The following GNB1L variants were observed in gnomAD, a reference collection of about 807,000 sequenced individuals.
GNB1L encodes the protein G protein subunit beta 1 like.
A neutral mutation model predicts 29.1 loss-of-function variants in GNB1L; 20 were observed. That is an observed-to-expected ratio of 0.69 (90% CI 0.48 to 1.00). The LOEUF is 1.00. Among genes scored for constraint, GNB1L ranks in the 50% least tolerant of loss-of-function variants. The probability of loss-of-function intolerance (pLI) is 0.00; values close to 1 mark genes in which losing one functional copy is unlikely to be tolerated. For synonymous variants in GNB1L, 193 were observed against 206.5 expected, an observed-to-expected ratio of 0.93 and a Z score of 0.56; for missense variants, 421 against 464.9, an observed-to-expected ratio of 0.91 and a Z score of 0.87.
At position 19,788,847 on chromosome 22, in the gene GNB1L, CCA is replaced by C; in HGVS notation, c.844_845del (p.Trp282AlafsTer154). 6.2e-7 allele frequency: 1 copy of C among 1,612,844 alleles called. No individual in the cohort carries two copies. Among genetic ancestry groups the C allele is most frequent in the Non-Finnish European group, 8.5e-7 (1 of 1,179,950 alleles). ...GWDHRIRVFH[W>X]RTMQPLAVLA... ...GCACGGCCAGTGGCTGCATCGTCCG[CCA>C]GTGGAACACGCGGATGCGGTGGTCC... On this transcript the variant is annotated frameshift_variant, in exon 8 of 8. Transcript: ENST00000329517. LOFTEE classifies it high-confidence loss of function.
chr22:19,792,977 C>T (rs1391601077), intron 7 of GNB1L: 5 of 1,491,914 alleles, frequency 3.4e-6, no homozygotes, highest in South Asian at 2.3e-5. Context: ...ATTACAATGA[C>T]AGATACGATG....
intron 6 of GNB1L, among the ~76,000 whole-genome samples, chr22:19,804,282 A>T (rs183728535): frequency 6.6e-6 from 1 of 152,154 alleles, no homozygotes; most frequent in South Asian, 2.1e-4. Context: ...CGCAGATGAG[A>T]CCTGGAGGCC....
chr22:19,809,211 G>A (rs73877351), intron 5 of GNB1L, among the ~76,000 whole-genome samples: 19,016 of 151,450 alleles, frequency 0.13, 1,381 homozygotes, highest in Non-Finnish European at 0.17. Flanking sequence ...TTGAGAGGAC[G>A]TTGAGGGGAG....
At position 19,786,573 on chromosome 22, in the gene GNB1L, G is replaced by A. The variant is rs1937193386; in HGVS notation, c.*2136C>T. 6.6e-6 allele frequency: 1 copy of A among 152,298 alleles called. No individual in the cohort carries two copies. Among genetic ancestry groups the A allele is most frequent in the Non-Finnish European group, 1.5e-5 (1 of 68,098 alleles). 9.4% of individuals were successfully genotyped at this position (152,298 alleles called of 1,614,324 possible). The stretch of plus-strand genomic sequence containing the variant: ...CAGTGATGATGCCAAAGATGACAGG[G>A]ACATAAACAGGGGAAGGGGTAGAGG... On this transcript the variant is annotated 3_prime_UTR_variant, in exon 8 of 8. Transcript: ENST00000329517.
intron 2 of GNB1L, among the ~76,000 whole-genome samples, chr22:19,832,918 G>C (rs1937703753): frequency 6.6e-6 from 1 of 152,212 alleles, no homozygotes; most frequent in Non-Finnish European, 1.5e-5. Context: ...GCTGAGCCCT[G>C]GGTGGCTGAT....
At chr22:19,849,385 T>TTG (rs1555903696) in intron 2 of GNB1L, 12,858 of 760,564 alleles carry the variant, frequency 0.017, 5 homozygotes, top group Non-Finnish European at 0.019. Flanking sequence ...TTTTTTTTTT[T>TTG]GGGATGGAGT....
rs771568536 is a variant in GNB1L, at chr22:19,820,606, C to G, written c.246G>C (p.Gln82His). The G allele has an allele frequency of 1.2e-6, 2 of 1,612,258 alleles. No homozygotes were observed. Among genetic ancestry groups the G allele is most frequent in the Non-Finnish European group, 1.7e-6 (2 of 1,179,562 alleles). Residue 82 changes from glutamine (Q) to histidine (H), a missense_variant, in exon 4 of 8, where the codon CAG (glutamine) becomes CAC (histidine). Coordinates refer to ENST00000329517, the MANE Select transcript of GNB1L (RefSeq NM_053004.3). ...GCACCTTGGAGACCCACCTGAGGAG[C>G]TGGCGCCCCTGGGGCAGCGTCTGCA... ...TWLQTLPQGR[Q>H]LLSQGRDLKL...
At chr22:19,848,246 C>G in intron 2 of GNB1L, 1 of 985,430 alleles carries the variant, frequency 1.0e-6, no homozygotes, top group Non-Finnish European at 1.2e-6. Flanking sequence ...AAGTGAAGGA[C>G]TGACACCATG....
At chr22:19,805,408 A>T (rs1282548102) in intron 6 of GNB1L, among the ~76,000 whole-genome samples, 1 of 152,208 alleles carries the variant, frequency 6.6e-6, no homozygotes, top group Non-Finnish European at 1.5e-5. Context: ...CGCTCTCATG[A>T]GGAGGTCAAA....
chr22:19,846,966 TCAG>T, intron 2 of GNB1L: 1 of 985,500 alleles, frequency 1.0e-6, no homozygotes, highest in Non-Finnish European at 1.2e-6. Flanking sequence ...CCTCCCATCC[TCAG>T]CAGCACCAAC....
chr22:19,819,503 C>T (rs1937561114), intron 4 of GNB1L, among the ~76,000 whole-genome samples: 1 of 152,178 alleles, frequency 6.6e-6, no homozygotes, highest in African/African-American at 2.4e-5. Flanking sequence ...ACAGCCATCG[C>T]CATACGTTCA....
At chr22:19,796,950 G>A (rs962559736) in intron 7 of GNB1L, among the ~76,000 whole-genome samples, 1 of 152,202 alleles carries the variant, frequency 6.6e-6, no homozygotes, top group Non-Finnish European at 1.5e-5. Flanking sequence ...AGCTTTGAAT[G>A]CGGCAGAAAT....
chr22:19,815,516 G>A (rs1291900811), intron 4 of GNB1L, among the ~76,000 whole-genome samples: 5 of 152,212 alleles, frequency 3.3e-5, no homozygotes, highest in Admixed American at 1.3e-4. Flanking sequence ...TGCACACCAC[G>A]CTCATATGGA....
chr22:19,834,553 T>C (rs1468922205), intron 2 of GNB1L, among the ~76,000 whole-genome samples: 1 of 152,178 alleles, frequency 6.6e-6, no homozygotes, highest in Non-Finnish European at 1.5e-5. Context: ...AGTTATAACA[T>C]AATGGAGGAG....
chr22:19,824,856 A>G (rs984783024), intron 2 of GNB1L, among the ~76,000 whole-genome samples: 10 of 152,022 alleles, frequency 6.6e-5, no homozygotes, highest in African/African-American at 2.2e-4. Flanking sequence ...GAGCCCAAAC[A>G]CCACAGGTCC....
Position 19,784,308 on chromosome 22 carries a change from CCAG to C in GNB1L, c.*4398_*4400del, listed in dbSNP as rs1391278159. 1.3e-5 allele frequency: 2 copies of C among 152,204 alleles called. No individual in the cohort carries two copies. Among genetic ancestry groups the C allele is most frequent in the Non-Finnish European group, 2.9e-5 (2 of 68,072 alleles). The allele number at this position is 152,204 out of a possible 1,614,324, so 9.4% of individuals were successfully genotyped here. On this transcript the variant is annotated 3_prime_UTR_variant, in exon 8 of 8. Coordinates refer to ENST00000329517, the MANE Select transcript of GNB1L (RefSeq NM_053004.3). ...CGCACAGCACGTCAACATGGAGCGC[CCAG>C]CAGCGGCGGCGGGTCCTGGGCTGTG...
intron 2 of GNB1L, chr22:19,852,100 G>A (rs940913326): frequency 1.2e-6 from 2 of 1,614,102 alleles, no homozygotes; most frequent in Non-Finnish European, 1.7e-6. Context: ...CACACACGGT[G>A]TCCCCACAGC....
chr22:19,800,335 T>C (rs1937355200), intron 7 of GNB1L, among the ~76,000 whole-genome samples: 1 of 152,144 alleles, frequency 6.6e-6, no homozygotes, highest in Admixed American at 6.5e-5. Context: ...AGAAGAGCCC[T>C]CCGGGGGCTC....
At chr22:19,847,728 C>G in intron 2 of GNB1L, 2 of 976,854 alleles carry the variant, frequency 2.0e-6, no homozygotes, top group Non-Finnish European at 1.2e-6. Flanking sequence ...TTCCCACCAA[C>G]AGTATGAGAA....
Sources: allele counts gnomAD v4.1 joint callset (sites outside exome capture counted in the v4.1 genomes callset), GRCh38; gene constraint gnomAD v4.1.1; transcripts MANE v1.5; gene names NCBI Gene and HGNC (gene_info 2026-07-23, HGNC 2026-07-21).